Variants in GLIS3 observed in about 807,000 individuals in gnomAD.
The protein encoded by GLIS3 is GLIS family zinc finger 3, also known as zinc finger protein GLIS3.
GLIS3 carries 53 observed loss-of-function variants against 78.6 expected under a neutral mutation model. That is an observed-to-expected ratio of 0.67 (90% CI 0.54 to 0.85). GLIS3 has a LOEUF of 0.85. Among genes scored for constraint, GLIS3 ranks in the 40% least tolerant of loss-of-function variants. The pLI, the probability that GLIS3 is intolerant of heterozygous loss-of-function variation, is 0.00. For synonymous variants in GLIS3, 684 were observed against 509.9 expected, an observed-to-expected ratio of 1.34 and a Z score of -4.60; for missense variants, 1,703 against 1,231.1, an observed-to-expected ratio of 1.38 and a Z score of -5.74.
At chr9:4,251,019 C>T (rs1165757786) in intron 2 of GLIS3, among the ~76,000 whole-genome samples, 2 of 152,170 alleles carry the variant, frequency 1.3e-5, no homozygotes, top group Admixed American at 6.6e-5. Context: ...GAGTGTTTTA[C>T]TTCCAACTAT....
intron 9 of GLIS3, among the ~76,000 whole-genome samples, chr9:3,849,636 G>A (rs890806780): frequency 5.9e-5 from 9 of 152,080 alleles, no homozygotes; most frequent in Admixed American, 2.6e-4. Context: ...GGCTAAGGGC[G>A]GTGGCTCATG....
chr9:4,268,580 G>A (rs1826220545), intron 2 of GLIS3, among the ~76,000 whole-genome samples: 1 of 152,168 alleles, frequency 6.6e-6, no homozygotes, highest in African/African-American at 2.4e-5. Context: ...TCTAGGCAAT[G>A]TAAGAGCAAG....
intron 2 of GLIS3, among the ~76,000 whole-genome samples, chr9:4,219,589 C>G (rs1291131997): frequency 6.6e-6 from 1 of 152,114 alleles, no homozygotes; most frequent in South Asian, 2.1e-4. Flanking sequence ...ACAGTCACAT[C>G]TCTCATACCC....
intron 2 of GLIS3, among the ~76,000 whole-genome samples, chr9:4,236,288 T>C (rs1384955734): frequency 6.6e-6 from 1 of 151,638 alleles, no homozygotes; most frequent in African/African-American, 2.4e-5. Flanking sequence ...GGAGCCTGAA[T>C]GATCTCATGC....
In GLIS3 at chr9:4,195,408, A is replaced by T. The variant is rs1173545896; in HGVS notation, c.389-69467T>A. 2.0e-5 allele frequency among the ~76,000 whole-genome samples: 3 copies of T among 152,268 alleles called. No individual in the cohort carries two copies. In the East Asian group the frequency reaches 5.8e-4, roughly 30 times the overall value. ...ACACTCGGAGAGGCCAGCCGGTGCC[A>T]CCGGCCCCAGACAGTGAGGGGCTTA... On this transcript the variant is annotated intron_variant, in intron 2 of 10. Coordinates refer to ENST00000381971, the MANE Select transcript of GLIS3 (RefSeq NM_001042413.2).
chr9:4,460,544 A>T, the GLIS3 span, among the ~76,000 whole-genome samples: 2 of 152,172 alleles, frequency 1.3e-5, no homozygotes, highest in African/African-American at 4.8e-5. Context: ...GTGCAGGAAA[A>T]ACACAATTCC....
At chr9:4,398,356 C>A in the GLIS3 span, among the ~76,000 whole-genome samples, 5 of 152,012 alleles carry the variant, frequency 3.3e-5, no homozygotes, top group African/African-American at 9.7e-5. Context: ...TCTCAGACTC[C>A]ACCCCGTATC....
At chr9:3,966,484 C>T (rs1394157249) in intron 4 of GLIS3, among the ~76,000 whole-genome samples, 2 of 150,862 alleles carry the variant, frequency 1.3e-5, no homozygotes, top group Non-Finnish European at 2.9e-5. Flanking sequence ...AAAGATGTCA[C>T]ATGAACTGCT....
In GLIS3 at chr9:4,341,611, T is replaced by C. The variant is rs980100369; in HGVS notation, n.264+5470A>G. ...ACTCACTTCCATCCAATGCATCCAA[T>C]CCAAGCTCATCCCATTTATTGATAA... On this transcript the variant is annotated intron_variant and non_coding_transcript_variant, in intron 2 of 4. Coordinates refer to the GLIS3 transcript ENST00000471664. Among the ~76,000 whole-genome samples, 5 of 152,156 alleles carry C rather than the reference T, an allele frequency of 3.3e-5. No homozygotes were observed. The East Asian group carries it at 9.6e-4, about 29-fold the overall frequency.
At chr9:4,413,337 G>T in the GLIS3 span, among the ~76,000 whole-genome samples, 8 of 152,274 alleles carry the variant, frequency 5.3e-5, no homozygotes, top group African/African-American at 1.4e-4. Context: ...ACTGTAAGAA[G>T]TGTCATCTTC....
At chr9:3,995,765 G>A (rs1015216381) in intron 4 of GLIS3, among the ~76,000 whole-genome samples, 6 of 152,120 alleles carry the variant, frequency 3.9e-5, no homozygotes, top group Admixed American at 3.3e-4. Flanking sequence ...ATGCAGCAAA[G>A]AGACAAAGTG....
At chr9:4,372,554 T>TAAA in the GLIS3 span, among the ~76,000 whole-genome samples, 104 of 137,944 alleles carry the variant, frequency 7.5e-4, 1 homozygote, top group East Asian at 0.014. Flanking sequence ...GACCCTCCAA[T>TAAA]AAAAAAAAAA....
intron 4 of GLIS3, among the ~76,000 whole-genome samples, chr9:3,966,016 C>A (rs944743531): frequency 6.6e-6 from 1 of 152,166 alleles, no homozygotes; most frequent in African/African-American, 2.4e-5. Flanking sequence ...AGATGCAATT[C>A]CTAATGAATG....
At chr9:4,155,450 G>A (rs910530941) in intron 2 of GLIS3, among the ~76,000 whole-genome samples, 7 of 152,180 alleles carry the variant, frequency 4.6e-5, no homozygotes, top group Admixed American at 4.6e-4. Context: ...CGGTGTGACT[G>A]CTTTCTAAAC....
intron 9 of GLIS3, among the ~76,000 whole-genome samples, chr9:3,831,451 G>A (rs1391961132): frequency 1.3e-5 from 2 of 152,192 alleles, no homozygotes; most frequent in East Asian, 1.9e-4. Flanking sequence ...CATTGGCAAA[G>A]ATTCCTAAAA....
At chr9:4,279,916 G>A (rs889490717) in intron 2 of GLIS3, among the ~76,000 whole-genome samples, 2 of 150,738 alleles carry the variant, frequency 1.3e-5, no homozygotes, top group Admixed American at 6.6e-5. Flanking sequence ...CAGCTATAAA[G>A]GACAATTAGA....
intron 2 of GLIS3, among the ~76,000 whole-genome samples, chr9:4,145,581 T>C (rs1418260323): frequency 1.3e-5 from 2 of 152,144 alleles, no homozygotes; most frequent in Non-Finnish European, 2.9e-5. Flanking sequence ...AAAAAGCCCA[T>C]AATGCCTAAG....
intron 6 of GLIS3, among the ~76,000 whole-genome samples, chr9:3,926,736 C>T (rs1400969783): frequency 2.0e-5 from 3 of 151,926 alleles, no homozygotes; most frequent in East Asian, 1.9e-4. Context: ...ATTTATCCTG[C>T]CTCAGCCTCC....
In GLIS3 at chr9:4,259,050, T is replaced by A. The variant is rs564265296; in HGVS notation, c.388+26988A>T. Reference sequence around the variant, plus strand: ...TTGCCATCTCCTGCCTGCTGCTGCCTCCCTGCATAACTCCTCCCCAAACAT... The same window carrying A: ...TTGCCATCTCCTGCCTGCTGCTGCCACCCTGCATAACTCCTCCCCAAACAT... On this transcript the variant is annotated intron_variant, in intron 2 of 10. Coordinates refer to ENST00000381971, the MANE Select transcript of GLIS3 (RefSeq NM_001042413.2). 5.9e-5 allele frequency among the ~76,000 whole-genome samples: 9 copies of A among 152,248 alleles called. No individual in the cohort carries two copies. In the East Asian group the frequency reaches 1.7e-3, roughly 29 times the overall value.
Sources: gnomAD v4.1 joint callset for allele counts (sites outside exome capture counted in the v4.1 genomes callset) on GRCh38, gnomAD v4.1.1 for gene constraint, MANE v1.5 for transcripts, NCBI Gene and HGNC (gene_info 2026-07-23, HGNC 2026-07-21) for gene names.